The following EBF2 variants were observed in gnomAD, a reference collection of about 807,000 sequenced individuals.
EBF2 encodes the protein EBF transcription factor 2.
In EBF2, 21 loss-of-function variants were observed where a neutral mutation model predicts 72.8. The observed-to-expected ratio is 0.29, with a 90% CI of 0.20 to 0.42. The LOEUF (loss-of-function observed/expected upper bound fraction) is 0.42, where lower values mean the gene tolerates loss of function less well. Ranked by LOEUF, EBF2 falls within the 10% of genes least tolerant of loss-of-function variation. EBF2 has a pLI of 1.00. For missense variants in EBF2, 637 were observed against 731.2 expected, an observed-to-expected ratio of 0.87 and a Z score of 1.49; for synonymous variants, 299 against 274.2, an observed-to-expected ratio of 1.09 and a Z score of -0.89.
intron 5 of EBF2, among the ~76,000 whole-genome samples, chr8:26,035,755 T>C (rs17240519): frequency 0.033 from 5,038 of 152,274 alleles, 103 homozygotes; most frequent in Middle Eastern, 0.086. Context: ...TGAAATAATA[T>C]TTGGCCTTTG....
At chr8:25,910,552 G>A (rs1254232568) in intron 6 of EBF2, among the ~76,000 whole-genome samples, 1 of 152,090 alleles carries the variant, frequency 6.6e-6, no homozygotes, top group Non-Finnish European at 1.5e-5. Flanking sequence ...TGTTCATGAA[G>A]GCATTATTAT....
At chr8:25,925,125 C>G (rs774915304) in intron 6 of EBF2, among the ~76,000 whole-genome samples, 1 of 152,178 alleles carries the variant, frequency 6.6e-6, no homozygotes, top group Non-Finnish European at 1.5e-5. Context: ...GATTACAGAA[C>G]CAAGCGGGGC....
rs969944400 is a variant in EBF2 at position 25,941,536 on chromosome 8, C to T, written c.552-32981G>A. 6.6e-4 allele frequency among the ~76,000 whole-genome samples: 101 copies of T among 152,160 alleles called. 1 individual carries two copies. The highest frequency in any genetic ancestry group is 2.3e-3 in the African/African-American group (95 of 41,432). The stretch of plus-strand genomic sequence containing the variant: ...CTCCCTCCTTTCTGCTCATCTTTCC[C>T]GTCTGACTCTTTTTGGGGAATGGGA... On this transcript the variant is annotated intron_variant, in intron 6 of 15. Coordinates refer to ENST00000520164, the MANE Select transcript of EBF2 (RefSeq NM_022659.4).
intron 6 of EBF2, among the ~76,000 whole-genome samples, chr8:25,995,838 T>G (rs1460727770): frequency 6.6e-6 from 1 of 151,926 alleles, no homozygotes; most frequent in Non-Finnish European, 1.5e-5. Flanking sequence ...AGCTAACATT[T>G]ATATTAATAA....
chr8:25,874,028 G>C (rs1754467374), intron 10 of EBF2, among the ~76,000 whole-genome samples: 2 of 152,176 alleles, frequency 1.3e-5, no homozygotes, highest in South Asian at 4.1e-4. Context: ...AGGCTACCAG[G>C]GGGGCTATTG....
At chr8:25,924,322 G>GT (rs1803350867) in intron 6 of EBF2, among the ~76,000 whole-genome samples, 1 of 152,146 alleles carries the variant, frequency 6.6e-6, no homozygotes, top group South Asian at 2.1e-4. Flanking sequence ...TCAGCCTCTG[G>GT]TAAGTAACCA....
chr8:26,033,129 A>G lies in EBF2; in HGVS notation c.507T>C (p.Cys169=), dbSNP rs1805436368. 1 of 1,613,986 alleles carries G rather than the reference A, an allele frequency of 6.2e-7. No homozygotes were observed. The highest frequency in any genetic ancestry group is 8.5e-7 in the Non-Finnish European group (1 of 1,180,014). ...MCSRCCEKKS[C]GNRNETPSDP... The stretch of plus-strand genomic sequence containing the variant: ...CCGATGGAGTCTCATTTCGGTTTCC[A>G]CAGCTTTTCTTTTCGCAGCATCGAC... The change falls in exon 6 of 16, where the codon TGT becomes TGC. Residue 169 remains cysteine (C), a synonymous_variant. Transcript: ENST00000520164.
chr8:26,016,154 C>T lies in EBF2; in HGVS notation c.551+16931G>A, dbSNP rs144043952. 3.7e-3 allele frequency among the ~76,000 whole-genome samples: 561 copies of T among 152,312 alleles called. 9 individuals are homozygous for T. The South Asian group carries it at 0.042, about 11-fold the overall frequency. The stretch of plus-strand genomic sequence containing the variant: ...TTAGTGCAGGGAGAAGGAGGTAACA[C>T]AGTCTTACTCTATTCTACTGATTTT... On this transcript the variant is annotated intron_variant, in intron 6 of 15. Coordinates refer to ENST00000520164, the MANE Select transcript of EBF2 (RefSeq NM_022659.4).
At chr8:25,896,865 G>A (rs1802870708) in intron 7 of EBF2, among the ~76,000 whole-genome samples, 1 of 152,174 alleles carries the variant, frequency 6.6e-6, no homozygotes, top group Non-Finnish European at 1.5e-5. Flanking sequence ...GGCTACTGCA[G>A]TTTGTTCTGC....
intron 10 of EBF2, among the ~76,000 whole-genome samples, chr8:25,870,893 A>C (rs569022814): frequency 6.6e-6 from 1 of 152,112 alleles, no homozygotes; most frequent in Non-Finnish European, 1.5e-5. Flanking sequence ...GAGAGAGAGG[A>C]CAGTAAAACA....
Position 25,860,975 on chromosome 8 carries a change from C to T in EBF2, c.1342+74G>A, listed in dbSNP as rs545216040. 8 of 1,564,920 alleles carry T rather than the reference C, an allele frequency of 5.1e-6. No individual in the cohort carries two copies. In the African/African-American group the frequency reaches 8.1e-5, roughly 16 times the overall value. On this transcript the variant is annotated intron_variant, in intron 13 of 15. Coordinates refer to ENST00000520164, the MANE Select transcript of EBF2 (RefSeq NM_022659.4). ...CTCTGTTGGACCATTATGACCCAAC[C>T]TCTGACTCTGTCCACTCCAGCAGAA...
At chr8:25,940,745 A>G (rs994417575) in intron 6 of EBF2, among the ~76,000 whole-genome samples, 2 of 152,094 alleles carry the variant, frequency 1.3e-5, no homozygotes, top group African/African-American at 4.8e-5. Flanking sequence ...TAGGCAACCC[A>G]CCCACTTGAT....
chr8:26,004,703 G>C (rs1263179272), intron 6 of EBF2, among the ~76,000 whole-genome samples: 1 of 141,658 alleles, frequency 7.1e-6, no homozygotes, highest in Non-Finnish European at 1.5e-5. Context: ...AAAAAAAGTA[G>C]GTTTAAAACA....
intron 13 of EBF2, among the ~76,000 whole-genome samples, chr8:25,860,060 G>A (rs1397056560): frequency 6.6e-6 from 1 of 151,864 alleles, no homozygotes; most frequent in African/African-American, 2.4e-5. Context: ...AAAAAAAAAT[G>A]AGGAATTCTC....
chr8:25,894,900 A>G (rs951704885), intron 7 of EBF2, among the ~76,000 whole-genome samples: 1 of 152,202 alleles, frequency 6.6e-6, no homozygotes, highest in African/African-American at 2.4e-5. Context: ...CGCCAGCATT[A>G]TATTAGCAAA....
chr8:25,967,356 A>G (rs1208858474), intron 6 of EBF2, among the ~76,000 whole-genome samples: 1 of 152,226 alleles, frequency 6.6e-6, no homozygotes, highest in Non-Finnish European at 1.5e-5. Flanking sequence ...TTATATCCCA[A>G]TAAATTCAAT....
chr8:25,972,601 C>T (rs1804208212), intron 6 of EBF2, among the ~76,000 whole-genome samples: 1 of 152,078 alleles, frequency 6.6e-6, no homozygotes, highest in African/African-American at 2.4e-5. Flanking sequence ...CTATGGAAAC[C>T]CCTGCCTCAT....
chr8:25,988,787 T>A (rs1219463561), intron 6 of EBF2, among the ~76,000 whole-genome samples: 2 of 152,178 alleles, frequency 1.3e-5, no homozygotes. Context: ...ATTTTGCAGA[T>A]AAGGAAAACC....
intron 10 of EBF2, among the ~76,000 whole-genome samples, chr8:25,876,982 A>T (rs1422600619): frequency 6.6e-6 from 1 of 152,144 alleles, no homozygotes; most frequent in Non-Finnish European, 1.5e-5. Context: ...CTTATAAAAG[A>T]CTTCTTAACC....
Sources: gnomAD v4.1 joint callset for allele counts (sites outside exome capture counted in the v4.1 genomes callset) on GRCh38, gnomAD v4.1.1 for gene constraint, MANE v1.5 for transcripts, NCBI Gene and HGNC (gene_info 2026-07-23, HGNC 2026-07-21) for gene names.